Variants in CCDC171 observed in about 807,000 individuals in gnomAD.
The protein encoded by CCDC171 is coiled-coil domain containing 171.
In CCDC171, 177 loss-of-function variants were observed where a neutral mutation model predicts 168.2. The observed-to-expected ratio is 1.05, with a 90% confidence interval of 0.93 to 1.19. The LOEUF is 1.19. Among genes scored for constraint, CCDC171 ranks in the 50% most tolerant of loss-of-function variants. The probability of loss-of-function intolerance (pLI) is 0.00; values close to 1 mark genes in which losing one functional copy is unlikely to be tolerated. For synonymous variants in CCDC171, 687 were observed against 540.8 expected (o/e 1.27, Z -3.75); for missense variants, 1,991 against 1,539.0 (o/e 1.29, Z -4.91).
chr9:15,920,512 CAA>C (rs1160276795), intron 25 of CCDC171, 90 bp downstream of exon 25: 2 of 895,926 alleles, frequency 2.2e-6, no homozygotes, highest in South Asian at 2.4e-5. Flanking sequence ...GATCATTTGC[CAA>C]TATATATAAT....
chr9:15,642,341 G>GTATA (rs1392934062), intron 7 of CCDC171, among the ~76,000 whole-genome samples: 12 of 40,934 alleles, frequency 2.9e-4, no homozygotes, highest in African/African-American at 6.0e-4. Flanking sequence ...ACGTGTGTGT[G>GTATA]TGTATATATA....
intron 21 of CCDC171, among the ~76,000 whole-genome samples, chr9:15,812,113 TAGTC>T (rs1030353288): frequency 1.3e-4 from 20 of 152,078 alleles, no homozygotes; most frequent in African/African-American, 4.8e-4. Context: ...AGGAAAGAAT[TAGTC>T]AGTTTGTGAC....
chr9:16,077,048 C>A, the CCDC171 span, among the ~76,000 whole-genome samples: 100 of 152,266 alleles, frequency 6.6e-4, 1 homozygote, highest in African/African-American at 2.0e-3. Flanking sequence ...AACAGGCAGG[C>A]AACCGACTGA....
At chr9:15,662,801 C>A (rs930235869) in intron 8 of CCDC171, among the ~76,000 whole-genome samples, 1 of 151,906 alleles carries the variant, frequency 6.6e-6, no homozygotes, top group African/African-American at 2.4e-5. Flanking sequence ...CATGGTGAAA[C>A]CCCATCTCTA....
At chr9:15,707,981 G>A (rs556995040) in intron 11 of CCDC171, among the ~76,000 whole-genome samples, 1 of 152,268 alleles carries the variant, frequency 6.6e-6, no homozygotes, top group South Asian at 2.1e-4. Context: ...TCAGGTAGCT[G>A]GGATTACAGG....
intron 5 of CCDC171, 105 bp downstream of exon 5, chr9:15,591,661 C>T: frequency 4.4e-6 from 3 of 682,864 alleles, no homozygotes; most frequent in Non-Finnish European, 4.8e-6. Context: ...TTTTTCCTTC[C>T]TCCTTCCTTC....
At chr9:15,950,345 A>G (rs929545143) in intron 25 of CCDC171, among the ~76,000 whole-genome samples, 24 of 152,174 alleles carry the variant, frequency 1.6e-4, no homozygotes, top group African/African-American at 5.5e-4. Flanking sequence ...AGTTGAAATG[A>G]AGGAAAAAAT....
At chr9:15,735,448 G>A (rs1302370252) in intron 16 of CCDC171, among the ~76,000 whole-genome samples, 1 of 151,690 alleles carries the variant, frequency 6.6e-6, no homozygotes. Context: ...TTTTTTTACT[G>A]TCAGTTAATT....
chr9:15,916,456 A>C (rs1245641975), intron 24 of CCDC171, among the ~76,000 whole-genome samples: 1 of 152,008 alleles, frequency 6.6e-6, no homozygotes, highest in Non-Finnish European at 1.5e-5. Flanking sequence ...ATATGAATTA[A>C]AGTCGAAGTG....
At chr9:15,828,269 G>A (rs1156872419) in intron 21 of CCDC171, among the ~76,000 whole-genome samples, 1 of 151,486 alleles carries the variant, frequency 6.6e-6, no homozygotes, top group African/African-American at 2.4e-5. Flanking sequence ...AAGCATGAAA[G>A]GAAGAGCAAA....
At chr9:16,013,608 C>T (rs1832935833) in intron 3 of CCDC171, among the ~76,000 whole-genome samples, 1 of 152,212 alleles carries the variant, frequency 6.6e-6, no homozygotes, top group Non-Finnish European at 1.5e-5. Flanking sequence ...CCGTACCTAC[C>T]TTTCTCATCT....
chr9:15,673,699 A>C (rs920152536), intron 9 of CCDC171, among the ~76,000 whole-genome samples: 2 of 152,140 alleles, frequency 1.3e-5, no homozygotes, highest in African/African-American at 2.4e-5. Context: ...GGATGAAGCC[A>C]ACTTGATCGT....
intron 11 of CCDC171, among the ~76,000 whole-genome samples, chr9:15,719,711 G>T (rs2053349101): frequency 6.6e-6 from 1 of 152,102 alleles, no homozygotes; most frequent in African/African-American, 2.4e-5. Context: ...AGGGCATTTT[G>T]TCCCATTACT....
At chr9:15,684,157 G>A (rs1353910039) in intron 10 of CCDC171, among the ~76,000 whole-genome samples, 2 of 152,068 alleles carry the variant, frequency 1.3e-5, no homozygotes, top group African/African-American at 4.8e-5. Context: ...GAGGGTAAAA[G>A]TATGTAATGA....
At chr9:16,096,543 T>C in the CCDC171 span, among the ~76,000 whole-genome samples, 2 of 152,236 alleles carry the variant, frequency 1.3e-5, no homozygotes, top group Non-Finnish European at 2.9e-5. Context: ...CCGTGTGTCC[T>C]GGAAGTCTTG....
intron 8 of CCDC171, among the ~76,000 whole-genome samples, chr9:15,660,235 C>G (rs1009712709): frequency 3.9e-5 from 6 of 152,162 alleles, no homozygotes; most frequent in African/African-American, 1.4e-4. Context: ...ACATACTTTT[C>G]TTTAAGATCA....
At chr9:16,093,216 G>A in the CCDC171 span, among the ~76,000 whole-genome samples, 1 of 152,196 alleles carries the variant, frequency 6.6e-6, no homozygotes, top group Non-Finnish European at 1.5e-5. Context: ...AGCAAATACG[G>A]AAAACTCAAC....
intron 2 of CCDC171, among the ~76,000 whole-genome samples, chr9:15,568,506 G>A (rs1490739130): frequency 6.6e-6 from 1 of 152,140 alleles, no homozygotes; most frequent in African/African-American, 2.4e-5. Flanking sequence ...TCCTGACCTC[G>A]TGATCCACCC....
chr9:16,054,735 T>C (rs1564137554), intron 1 of CCDC171, among the ~76,000 whole-genome samples: 1 of 152,232 alleles, frequency 6.6e-6, no homozygotes, highest in Non-Finnish European at 1.5e-5. Context: ...AGCTTGGGTC[T>C]TGAAAGGATC....
Sources: gnomAD v4.1 joint callset for allele counts (sites outside exome capture counted in the v4.1 genomes callset) on GRCh38, gnomAD v4.1.1 for gene constraint, MANE v1.5 for transcripts, NCBI Gene and HGNC (gene_info 2026-07-23, HGNC 2026-07-21) for gene names.